Variants in IGSF5 observed in about 807,000 individuals in gnomAD.
IGSF5 encodes immunoglobulin superfamily 5 like.
IGSF5 carries 41 observed loss-of-function variants against 39.4 expected under a neutral mutation model. That is an observed-to-expected ratio of 1.04 (90% CI 0.81 to 1.35). IGSF5 has a LOEUF of 1.35. IGSF5 is among the 40% of genes most tolerant of loss of function. The pLI, the probability that IGSF5 is intolerant of heterozygous loss-of-function variation, is 0.00. For synonymous variants in IGSF5, 183 were observed against 175.3 expected, an observed-to-expected ratio of 1.04 and a Z score of -0.34; for missense variants, 487 against 494.6, an observed-to-expected ratio of 0.98 and a Z score of 0.15.
At chr21:39,717,036 G>A in the IGSF5 span, among the ~76,000 whole-genome samples, 1 of 152,070 alleles carries the variant, frequency 6.6e-6, no homozygotes, top group Non-Finnish European at 1.5e-5. Context: ...TTTAGTAATA[G>A]CCATTCTGAC....
At chr21:39,743,835 T>TC (rs2079958587), upstream of IGSF5, among the ~76,000 whole-genome samples, 1 of 143,830 alleles carries the variant, frequency 7.0e-6, no homozygotes, top group Non-Finnish European at 1.5e-5. Flanking sequence ...CCAGCTTTCT[T>TC]CCCCTTGAAG....
intron 1 of IGSF5, among the ~76,000 whole-genome samples, chr21:39,745,732 T>C (rs2079970813): frequency 6.6e-6 from 1 of 152,142 alleles, no homozygotes; most frequent in African/African-American, 2.4e-5. Context: ...TAGAAAGCCC[T>C]TCCCCAGATA....
At chr21:39,737,155 GA>G in the IGSF5 span, among the ~76,000 whole-genome samples, 2 of 149,562 alleles carry the variant, frequency 1.3e-5, no homozygotes, top group African/African-American at 4.9e-5. Context: ...TAGTAGAAGG[GA>G]AAAAAATATT....
chr21:39,742,448 C>T (rs1308538264), upstream of IGSF5, among the ~76,000 whole-genome samples: 1 of 152,192 alleles, frequency 6.6e-6, no homozygotes, highest in Non-Finnish European at 1.5e-5. Flanking sequence ...CCTCTTGGCT[C>T]TCAATGGTCA....
At chr21:39,724,330 A>T in the IGSF5 span, among the ~76,000 whole-genome samples, 2 of 152,132 alleles carry the variant, frequency 1.3e-5, no homozygotes, top group African/African-American at 4.8e-5. Context: ...CTACTGTGTT[A>T]TGTGGGCTTC....
chr21:39,719,410 A>C, the IGSF5 span, among the ~76,000 whole-genome samples: 1 of 151,974 alleles, frequency 6.6e-6, no homozygotes, highest in Non-Finnish European at 1.5e-5. Flanking sequence ...CTGTGTGTTG[A>C]AAGAGTGAAT....
the IGSF5 span, among the ~76,000 whole-genome samples, chr21:39,737,798 G>T: frequency 6.6e-6 from 1 of 152,198 alleles, no homozygotes; most frequent in African/African-American, 2.4e-5. Context: ...AAACCCAGCA[G>T]GGCCTGTCTG....
intron 8 of IGSF5, among the ~76,000 whole-genome samples, chr21:39,795,140 CG>C (rs1308568304): frequency 6.6e-6 from 1 of 152,080 alleles, no homozygotes; most frequent in Non-Finnish European, 1.5e-5. Context: ...TTCCTCAGGC[CG>C]GGTGTCAGGA....
At chr21:39,764,385 G>A (rs932430431) in intron 2 of IGSF5, among the ~76,000 whole-genome samples, 1 of 152,200 alleles carries the variant, frequency 6.6e-6, no homozygotes, top group Admixed American at 6.5e-5. Context: ...CTGTTGCCCA[G>A]GCTCTAGTGC....
At chr21:39,734,688 T>G in the IGSF5 span, among the ~76,000 whole-genome samples, 2 of 152,066 alleles carry the variant, frequency 1.3e-5, no homozygotes, top group Non-Finnish European at 2.9e-5. Context: ...CGCCACCAAT[T>G]GTAATGGTAG....
At chr21:39,719,468 C>T in the IGSF5 span, among the ~76,000 whole-genome samples, 1 of 152,162 alleles carries the variant, frequency 6.6e-6, no homozygotes, top group African/African-American at 2.4e-5. Context: ...GAGGTGACCT[C>T]ATTTCCTTGG....
chr21:39,746,078 T>C, intron 1 of IGSF5, 138 bp from the exon 2 acceptor site: 4 of 663,252 alleles, frequency 6.0e-6, no homozygotes, highest in South Asian at 1.6e-5. Flanking sequence ...TTAGAAGCTG[T>C]GGGTCATGGG....
At chr21:39,793,445 C>A in intron 7 of IGSF5, 89 bp from the exon 8 acceptor site, 1 of 1,026,102 alleles carries the variant, frequency 9.7e-7, no homozygotes, top group Non-Finnish European at 1.5e-6. Context: ...TACATAAAAG[C>A]AAATGTGTTT....
intron 2 of IGSF5, among the ~76,000 whole-genome samples, chr21:39,757,968 G>A (rs2080040746): frequency 6.6e-6 from 1 of 152,188 alleles, no homozygotes; most frequent in African/African-American, 2.4e-5. Context: ...CAGCTGCGGG[G>A]GGTGGAGGTG....
chr21:39,793,889 C>A (rs2086980282), intron 8 of IGSF5, among the ~76,000 whole-genome samples: 1 of 152,120 alleles, frequency 6.6e-6, no homozygotes, highest in Non-Finnish European at 1.5e-5. Flanking sequence ...TGGGACGTAT[C>A]CGCCTGAGTT....
intron 5 of IGSF5, 72 bp downstream of exon 5, chr21:39,779,377 T>C: frequency 6.5e-7 from 1 of 1,542,186 alleles, no homozygotes; most frequent in East Asian, 2.3e-5. Context: ...GTTAATGAAC[T>C]CATCAGCTCT....
chr21:39,799,944 G>A (rs2087019830), intron 8 of IGSF5, among the ~76,000 whole-genome samples: 1 of 152,122 alleles, frequency 6.6e-6, no homozygotes, highest in South Asian at 2.1e-4. Context: ...TTTCTTCTCT[G>A]ATTATTTCTC....
At chr21:39,741,669 T>C (rs566798512), upstream of IGSF5, among the ~76,000 whole-genome samples, 1 of 152,282 alleles carries the variant, frequency 6.6e-6, no homozygotes, top group African/African-American at 2.4e-5. Flanking sequence ...CCTGAACCCT[T>C]GGGGTAAAAC....
intron 5 of IGSF5, among the ~76,000 whole-genome samples, chr21:39,784,699 G>A (rs1017978160): frequency 1.4e-5 from 2 of 145,810 alleles, no homozygotes; most frequent in East Asian, 2.2e-4. Flanking sequence ...TGCCCCACCA[G>A]GTGTGATTCA....
Sources: allele counts gnomAD v4.1 joint callset (sites outside exome capture counted in the v4.1 genomes callset), GRCh38; gene constraint gnomAD v4.1.1; transcripts MANE v1.5; gene names NCBI Gene and HGNC (gene_info 2026-07-23, HGNC 2026-07-21).